The following MVB12B variants were observed in gnomAD, a reference collection of about 807,000 sequenced individuals.
The protein encoded by MVB12B is ESCRT-I complex subunit MVB12B.
Under a neutral mutation model 41.6 loss-of-function variants are expected in MVB12B, and 16 were observed. The ratio of observed to expected loss-of-function variants is 0.38; its 90% confidence interval spans 0.26 to 0.58. The LOEUF is 0.58. Ranked by LOEUF, MVB12B falls within the 20% of genes least tolerant of loss-of-function variation. The probability of loss-of-function intolerance (pLI) is 0.62; values close to 1 mark genes in which losing one functional copy is unlikely to be tolerated. For missense variants in MVB12B, 274 were observed against 380.2 expected, an observed-to-expected ratio of 0.72 and a Z score of 2.32; for synonymous variants, 133 against 139.7, an observed-to-expected ratio of 0.95 and a Z score of 0.34.
chr9:126,397,113 T>C (rs1831138546), intron 6 of MVB12B: 1 of 985,516 alleles, frequency 1.0e-6, no homozygotes. Context: ...GCAGCTCAAG[T>C]GTGGGCTCCT....
chr9:126,398,634 G>A (rs1374641627), intron 6 of MVB12B, among the ~76,000 whole-genome samples: 1 of 152,220 alleles, frequency 6.6e-6, no homozygotes, highest in Admixed American at 6.5e-5. Context: ...GGCGTGGATC[G>A]GGCCTCTGGG....
At chr9:126,424,977 T>C (rs1389232404) in intron 7 of MVB12B, among the ~76,000 whole-genome samples, 1 of 152,262 alleles carries the variant, frequency 6.6e-6, no homozygotes, top group Non-Finnish European at 1.5e-5. Flanking sequence ...ATGCTTAAAT[T>C]ACAAAACATC....
At position 126,340,148 on chromosome 9, in the gene MVB12B, T is replaced by C. The variant is rs1255750499; in HGVS notation, c.82-360T>C. On this transcript the variant is annotated intron_variant, in intron 1 of 9. Transcript: ENST00000361171. The surrounding 1 kb of genome is among the most constrained non-coding windows in gnomAD (Gnocchi z 4.0). ...GAGAGAGGAAAGGTGTTGTTAAGCT[T>C]AGCCGTGTCTGACATGTCTTCAGAG... Among the ~76,000 whole-genome samples, 3 of 152,136 alleles carry C rather than the reference T, an allele frequency of 2.0e-5. No homozygotes were observed. The highest frequency in any genetic ancestry group is 7.2e-5 in the African/African-American group (3 of 41,426).
At chr9:126,461,814 ACTGG>A (rs1268780786) in intron 7 of MVB12B, among the ~76,000 whole-genome samples, 5 of 150,992 alleles carry the variant, frequency 3.3e-5, no homozygotes, top group African/African-American at 1.2e-4. Context: ...CTGAGCCCCG[ACTGG>A]CTGGCCAGCG....
At chr9:126,400,831 C>G (rs779028815) in intron 6 of MVB12B, among the ~76,000 whole-genome samples, 2 of 152,206 alleles carry the variant, frequency 1.3e-5, no homozygotes, top group Non-Finnish European at 2.9e-5. Context: ...CTTGGTGATG[C>G]GGACACCGTG....
In MVB12B at chr9:126,468,417, G is replaced by A. The variant is rs151317029; in HGVS notation, c.758-12952G>A. 2.1e-3 allele frequency among the ~76,000 whole-genome samples: 319 copies of A among 152,258 alleles called. 1 individual carries two copies. The highest frequency in any genetic ancestry group is 6.7e-3 in the African/African-American group (280 of 41,532). ...CAGACACATGCTCAGCGGGACCCAC[G>A]AGTTCATCTCTGCTGCTTTTCCGCT... is the stretch of plus-strand genomic sequence containing the variant. On this transcript the variant is annotated intron_variant, in intron 7 of 9. Transcript: ENST00000361171. This position sits in a 1 kb window ranked among gnomAD's most constrained non-coding sequence, Gnocchi z 4.3.
At chr9:126,481,483 A>AT (rs1450770820) in intron 8 of MVB12B, 59 bp downstream of exon 8, 15 of 1,276,452 alleles carry the variant, frequency 1.2e-5, no homozygotes, top group Non-Finnish European at 1.7e-5. Flanking sequence ...AGGTCCCTCC[A>AT]TCCTGATTTA....
At chr9:126,328,335 G>A (rs1253650457) in intron 1 of MVB12B, among the ~76,000 whole-genome samples, 1 of 152,094 alleles carries the variant, frequency 6.6e-6, no homozygotes, top group Non-Finnish European at 1.5e-5. Context: ...CTTACCTTCT[G>A]TAATCCATAT....
At chr9:126,403,869 C>T (rs1831339311) in intron 6 of MVB12B, among the ~76,000 whole-genome samples, 1 of 151,998 alleles carries the variant, frequency 6.6e-6, no homozygotes, top group African/African-American at 2.4e-5. Flanking sequence ...TTCCATCCGT[C>T]CATCCATCCA....
At chr9:126,411,553 T>C (rs1423658179) in intron 6 of MVB12B, among the ~76,000 whole-genome samples, 1 of 152,236 alleles carries the variant, frequency 6.6e-6, no homozygotes, top group Non-Finnish European at 1.5e-5. Flanking sequence ...ATAGAAGGTT[T>C]ATAAGATAGT....
intron 6 of MVB12B, among the ~76,000 whole-genome samples, chr9:126,420,454 C>T (rs942791199): frequency 2.0e-5 from 3 of 152,172 alleles, no homozygotes; most frequent in Non-Finnish European, 2.9e-5. Context: ...CCAATACCTT[C>T]ACAGCCCTTG....
rs2119200648 is a variant in MVB12B at position 126,478,200 on chromosome 9, C to T, written c.758-3169C>T. Among the ~76,000 whole-genome samples, 1 of 152,320 alleles carries T rather than the reference C, an allele frequency of 6.6e-6. No individual in the cohort carries two copies. The highest frequency in any genetic ancestry group is 1.9e-4 in the East Asian group (1 of 5,190). ...CATTTCCCTCCCTGCTTAGATCTTC[C>T]TAGTTCCTAGAAGTGATTCCCAGGC... On this transcript the variant is annotated intron_variant, in intron 7 of 9. Coordinates refer to ENST00000361171, the MANE Select transcript of MVB12B (RefSeq NM_033446.3). The surrounding 1 kb of genome is among the most constrained non-coding windows in gnomAD (Gnocchi z 4.2).
intron 1 of MVB12B, among the ~76,000 whole-genome samples, chr9:126,338,474 A>G (rs1829349054): frequency 6.6e-6 from 1 of 152,108 alleles, no homozygotes; most frequent in Non-Finnish European, 1.5e-5. Flanking sequence ...CCACCAGCAA[A>G]TAAGATACTG....
chr9:126,414,973 A>G (rs888563338), intron 6 of MVB12B, among the ~76,000 whole-genome samples: 18 of 151,856 alleles, frequency 1.2e-4, no homozygotes, highest in Non-Finnish European at 7.4e-5. Flanking sequence ...CAAGTGACCC[A>G]CTCGCCTCGG....
intron 7 of MVB12B, among the ~76,000 whole-genome samples, chr9:126,472,469 C>CA (rs35537694): frequency 0.71 from 96,257 of 135,052 alleles, 34,239 homozygotes; most frequent in South Asian, 0.83. Flanking sequence ...GGTCAGCTGG[C>CA]AAAAAAAAAA....
chr9:126,369,124 C>T (rs908366247), intron 2 of MVB12B, among the ~76,000 whole-genome samples: 3 of 152,026 alleles, frequency 2.0e-5, no homozygotes, highest in South Asian at 2.1e-4. Flanking sequence ...TCCTTGTTAA[C>T]GTTGTTGGAT....
chr9:126,481,912 G>A (rs1049874961), intron 8 of MVB12B, among the ~76,000 whole-genome samples: 14 of 152,366 alleles, frequency 9.2e-5, no homozygotes, highest in African/African-American at 3.4e-4. Flanking sequence ...TGTCATAGCT[G>A]CATTCTGCGC....
intron 6 of MVB12B, among the ~76,000 whole-genome samples, chr9:126,404,893 G>A (rs1243390532): frequency 2.0e-5 from 3 of 152,236 alleles, no homozygotes; most frequent in East Asian, 3.8e-4. Flanking sequence ...ACAGAGCGGC[G>A]GCCGCTCTTG....
intron 2 of MVB12B, among the ~76,000 whole-genome samples, chr9:126,344,384 G>A (rs534137189): frequency 6.9e-4 from 105 of 152,292 alleles, no homozygotes; most frequent in African/African-American, 2.4e-3. Flanking sequence ...ATCCTGCTTC[G>A]AAAAATCACT....
Sources: allele counts gnomAD v4.1 joint callset (sites outside exome capture counted in the v4.1 genomes callset), GRCh38; gene constraint gnomAD v4.1.1; non-coding constraint Gnocchi (gnomAD v3.1); transcripts MANE v1.5; gene names NCBI Gene and HGNC (gene_info 2026-07-23, HGNC 2026-07-21).